Variants in SOX5 observed in about 807,000 individuals in gnomAD.
SOX5 encodes the protein transcription factor SOX-5.
A neutral mutation model predicts 92.0 loss-of-function variants in SOX5; 9 were observed. The ratio of observed to expected loss-of-function variants is 0.10; its 90% confidence interval spans 0.06 to 0.17. SOX5 has a LOEUF of 0.17. Ranked by LOEUF, SOX5 falls within the 10% of genes least tolerant of loss-of-function variation. The pLI is 1.00. For synonymous variants in SOX5, 344 were observed against 336.3 expected (o/e 1.02, Z -0.25); for missense variants, 642 against 944.5 (o/e 0.68, Z 4.20).
intron 6 of SOX5, among the ~76,000 whole-genome samples, chr12:23,699,990 T>C (rs2090403209): frequency 6.6e-6 from 1 of 152,084 alleles, no homozygotes; most frequent in Non-Finnish European, 1.5e-5. Flanking sequence ...TAAAAAAACA[T>C]GGGAAGAAAT....
At chr12:23,694,992 T>A (rs1471416582) in intron 6 of SOX5, among the ~76,000 whole-genome samples, 1 of 151,922 alleles carries the variant, frequency 6.6e-6, no homozygotes, top group Non-Finnish European at 1.5e-5. Flanking sequence ...TGGTGGTGCA[T>A]ACCTGTAGTC....
chr12:23,985,240 A>T (rs1007192495), intron 4 of SOX5, among the ~76,000 whole-genome samples: 2 of 76,682 alleles, frequency 2.6e-5, no homozygotes, highest in Non-Finnish European at 5.8e-5. Context: ...TATTTTTTTG[A>T]ATTTTATTTA....
At chr12:23,608,911 G>A (rs1256604855) in intron 8 of SOX5, among the ~76,000 whole-genome samples, 1 of 152,144 alleles carries the variant, frequency 6.6e-6, no homozygotes, top group Non-Finnish European at 1.5e-5. Context: ...GAGAGAAAGT[G>A]TACAAACATA....
intron 3 of SOX5, chr12:24,227,021 C>G (rs561412348): frequency 1.3e-5 from 2 of 152,342 alleles, no homozygotes; most frequent in East Asian, 3.9e-4. Flanking sequence ...GAAAATGAGA[C>G]AGCCTGGAGA....
chr12:23,662,256 T>G (rs1033198970), intron 7 of SOX5, among the ~76,000 whole-genome samples: 22 of 152,082 alleles, frequency 1.4e-4, no homozygotes, highest in Non-Finnish European at 5.9e-5. Flanking sequence ...TTTTTAGGAT[T>G]TTAATAAGTA....
intron 3 of SOX5, among the ~76,000 whole-genome samples, chr12:24,256,153 C>G (rs953454311): frequency 1.3e-5 from 2 of 152,088 alleles, no homozygotes; most frequent in South Asian, 4.2e-4. Flanking sequence ...TTGGGAAGCC[C>G]GAGATGTGTG....
intron 3 of SOX5, among the ~76,000 whole-genome samples, chr12:23,792,597 T>C (rs2095493321): frequency 8.8e-6 from 1 of 113,260 alleles, no homozygotes; most frequent in Non-Finnish European, 1.6e-5. Context: ...CACTGCAGCC[T>C]GGGCAATAGA....
chr12:24,067,882 C>T (rs941298399), intron 4 of SOX5, among the ~76,000 whole-genome samples: 2 of 152,192 alleles, frequency 1.3e-5, no homozygotes, highest in Admixed American at 1.3e-4. Context: ...CGGCGGCTCA[C>T]GCCTGTAATC....
At position 24,181,692 on chromosome 12, in the gene SOX5, T is replaced by C. The variant is rs117464703; in HGVS notation, c.-2+31651A>G. Among the ~76,000 whole-genome samples the C allele has an allele frequency of 7.0e-3, 1,065 of 152,320 alleles. 11 individuals are homozygous for C. Among genetic ancestry groups the C allele is most frequent in the Non-Finnish European group, 0.011 (776 of 68,014 alleles). On this transcript the variant is annotated intron_variant, in intron 4 of 4. Coordinates refer to the SOX5 transcript ENST00000446891. ...AATATTTTAGAATTAGCTAGTATTA[T>C]TGTTATTGTTGTTTTTCTATTTTAA...
At chr12:24,318,017 C>G (rs1406005164) in intron 2 of SOX5, among the ~76,000 whole-genome samples, 1 of 152,028 alleles carries the variant, frequency 6.6e-6, no homozygotes, top group African/African-American at 2.4e-5. Context: ...TCAAGACCAG[C>G]CTGTTCAACA....
At chr12:24,468,181 G>A (rs1463310817) in intron 1 of SOX5, among the ~76,000 whole-genome samples, 1 of 152,174 alleles carries the variant, frequency 6.6e-6, no homozygotes, top group East Asian at 1.9e-4. Context: ...CCAGGGTTCT[G>A]GAACGAGGTA....
intron 2 of SOX5, among the ~76,000 whole-genome samples, chr12:23,857,823 C>G (rs2096710439): frequency 6.6e-6 from 1 of 151,810 alleles, no homozygotes; most frequent in Non-Finnish European, 1.5e-5. Context: ...ACCTCCCCCT[C>G]CCAGGTTCAA....
At chr12:24,091,776 T>C (rs941395396) in intron 4 of SOX5, among the ~76,000 whole-genome samples, 4 of 152,208 alleles carry the variant, frequency 2.6e-5, no homozygotes, top group Non-Finnish European at 5.9e-5. Flanking sequence ...CAGAAAATCC[T>C]AGTTAGGTGG....
In SOX5 at chr12:23,867,609, C is replaced by T. The variant is rs926577742; in HGVS notation, c.271-21416G>A. On this transcript the variant is annotated intron_variant, in intron 2 of 14. Coordinates refer to ENST00000451604, the MANE Select transcript of SOX5 (RefSeq NM_006940.6). ...TACTAGAACTTCTTTCTTTAAATAC[C>T]CCAAATTAAAAAAATCTAGATTTAC... Among the ~76,000 whole-genome samples, 4 of 151,618 alleles carry T rather than the reference C, an allele frequency of 2.6e-5. No homozygotes were observed. The South Asian group carries it at 6.2e-4, about 24-fold the overall frequency.
intron 6 of SOX5, among the ~76,000 whole-genome samples, chr12:23,709,241 A>G (rs1278481463): frequency 2.0e-5 from 3 of 152,074 alleles, no homozygotes; most frequent in Admixed American, 1.3e-4. Context: ...AGTTGGGATT[A>G]TGGGTGAGTG....
At chr12:24,056,749 G>C (rs186278394) in intron 4 of SOX5, among the ~76,000 whole-genome samples, 21 of 151,760 alleles carry the variant, frequency 1.4e-4, no homozygotes, top group Non-Finnish European at 2.8e-4. Context: ...GCCGAGGCGG[G>C]CGGATCACGA....
At chr12:23,914,306 C>A (rs1412638124) in intron 1 of SOX5, among the ~76,000 whole-genome samples, 1 of 151,990 alleles carries the variant, frequency 6.6e-6, no homozygotes, top group Non-Finnish European at 1.5e-5. Context: ...GAACATTATA[C>A]TCAATTAATA....
In SOX5 at chr12:23,604,480, C is replaced by T; in HGVS notation, c.1071G>A (p.Leu357=). 2 of 1,613,792 alleles carry T rather than the reference C, an allele frequency of 1.2e-6. No individual in the cohort carries two copies. The highest frequency in any genetic ancestry group is 1.1e-5 in the South Asian group (1 of 91,080). ...CAAGGTTGCCTTGGGGTATGCCTGG[C>T]AGCTTCCCTCCTGGAGATACCTGCA... ...AAMQVSPGGK[L]PGIPQGNLGA... Residue 357 remains leucine, a synonymous_variant, in exon 9 of 15, where the codon CTG becomes CTA. Transcript: ENST00000451604.
At chr12:24,183,602 G>A (rs749095071) in intron 4 of SOX5, among the ~76,000 whole-genome samples, 64 of 152,058 alleles carry the variant, frequency 4.2e-4, no homozygotes, top group Non-Finnish European at 6.3e-4. Context: ...TGAAAGCAAC[G>A]TATTTTAAAA....
Sources: allele counts gnomAD v4.1 joint callset (sites outside exome capture counted in the v4.1 genomes callset), GRCh38; gene constraint gnomAD v4.1.1; transcripts MANE v1.5; gene names NCBI Gene and HGNC (gene_info 2026-07-23, HGNC 2026-07-21).